The following TBC1D14 variants were observed in gnomAD, a reference collection of about 807,000 sequenced individuals.
The protein encoded by TBC1D14 is TBC1 domain family member 14, also known as TBC1 domain family, member 14.
A neutral mutation model predicts 79.0 loss-of-function variants in TBC1D14; 26 were observed. The ratio of observed to expected loss-of-function variants is 0.33; its 90% confidence interval spans 0.24 to 0.46. The LOEUF (loss-of-function observed/expected upper bound fraction) is 0.46. TBC1D14 is among the 20% of genes least tolerant of loss of function. The pLI is 1.00. For missense variants in TBC1D14, 769 were observed against 887.6 expected (o/e 0.87, Z 1.70); for synonymous variants, 394 against 349.9 (o/e 1.13, Z -1.40).
At chr4:7,027,531 C>T (rs763478967) in intron 13 of TBC1D14, among the ~76,000 whole-genome samples, 1 of 147,096 alleles carries the variant, frequency 6.8e-6, no homozygotes, top group Non-Finnish European at 1.5e-5. Flanking sequence ...CCCACACACA[C>T]ATCACATACA....
intron 2 of TBC1D14, among the ~76,000 whole-genome samples, chr4:6,951,298 A>G (rs1264688126): frequency 6.6e-6 from 1 of 152,072 alleles, no homozygotes; most frequent in Non-Finnish European, 1.5e-5. Context: ...TCTCAAAAAA[A>G]ATAAACAACA....
At chr4:7,019,912 G>A (rs556583530) in intron 12 of TBC1D14, among the ~76,000 whole-genome samples, 1 of 107,088 alleles carries the variant, frequency 9.3e-6, no homozygotes, top group Admixed American at 9.5e-5. Flanking sequence ...TGTGAACCCC[G>A]CTGGGCTCAG....
chr4:6,930,313 A>G (rs1162209545), intron 2 of TBC1D14, among the ~76,000 whole-genome samples: 1 of 152,170 alleles, frequency 6.6e-6, no homozygotes, highest in Non-Finnish European at 1.5e-5. Context: ...TGTGGGAGTG[A>G]GGCTGGAGTC....
intron 3 of TBC1D14, among the ~76,000 whole-genome samples, chr4:6,976,570 A>T (rs1280826537): frequency 6.6e-6 from 1 of 152,222 alleles, no homozygotes; most frequent in Non-Finnish European, 1.5e-5. Context: ...TCCAGCAAAA[A>T]TGCCCTTCAG....
intron 3 of TBC1D14, among the ~76,000 whole-genome samples, chr4:6,981,582 A>T (rs1191043333): frequency 6.6e-6 from 1 of 152,226 alleles, no homozygotes; most frequent in Non-Finnish European, 1.5e-5. Flanking sequence ...TACCAAAAAA[A>T]CTACAGGCAA....
chr4:6,989,313 A>C (rs1488379559), intron 3 of TBC1D14, among the ~76,000 whole-genome samples: 2 of 152,098 alleles, frequency 1.3e-5, no homozygotes, highest in African/African-American at 4.8e-5. Flanking sequence ...CCTCTGGGTA[A>C]CGTGTTGAGA....
chr4:6,963,719 T>G (rs534133790), intron 2 of TBC1D14, among the ~76,000 whole-genome samples: 3 of 152,324 alleles, frequency 2.0e-5, no homozygotes, highest in African/African-American at 7.2e-5. Flanking sequence ...AAAAAATATA[T>G]CAACATGCTT....
At position 7,025,157 on chromosome 4, in the gene TBC1D14, C is replaced by T; in HGVS notation, c.1911C>T (p.His637=). The stretch of plus-strand genomic sequence containing the variant: ...TCCTGACCAAGATGGACTTCATTCA[C>T]ATGGCCCAGTTCCTGACCCGGCTGC... ...EDILTKMDFI[H]MAQFLTRLPE... The change falls in exon 13 of 14, where the codon CAC becomes CAT. Residue 637 remains histidine, a synonymous_variant. Coordinates refer to ENST00000409757, the MANE Select transcript of TBC1D14 (RefSeq NM_020773.3). 6.2e-7 allele frequency: 1 copy of T among 1,614,236 alleles called. No homozygotes were observed. The highest frequency in any genetic ancestry group is 8.5e-7 in the Non-Finnish European group (1 of 1,180,034).
intron 11 of TBC1D14, among the ~76,000 whole-genome samples, chr4:7,011,366 C>A (rs1169564033): frequency 6.6e-6 from 1 of 151,954 alleles, no homozygotes; most frequent in Non-Finnish European, 1.5e-5. Flanking sequence ...TACATGCCTC[C>A]CAGATAAGCC....
chr4:6,951,166 C>T (rs1002413170), intron 2 of TBC1D14, among the ~76,000 whole-genome samples: 1 of 152,102 alleles, frequency 6.6e-6, no homozygotes, highest in Non-Finnish European at 1.5e-5. Flanking sequence ...GTGGCAGGCA[C>T]CTATAATCCC....
rs376156748 is a variant in TBC1D14 at position 7,012,058 on chromosome 4, T to C, written c.1647+1277T>C. Among the ~76,000 whole-genome samples the C allele has an allele frequency of 5.3e-5, 8 of 151,728 alleles. No homozygotes were observed. In the South Asian group the frequency reaches 1.3e-3, roughly 24 times the overall value. Reference sequence around the variant, plus strand: ...GCTTACGCCTGTAATCCCAGCACTTTGGGAGGCCGAGGAGGGCGGATCACG... The same window carrying C: ...GCTTACGCCTGTAATCCCAGCACTTCGGGAGGCCGAGGAGGGCGGATCACG... On this transcript the variant is annotated intron_variant, in intron 11 of 13. Transcript: ENST00000409757.
Position 6,939,020 on chromosome 4 carries a change from T to C in TBC1D14, c.722+14909T>C, listed in dbSNP as rs370478795. 5.9e-5 allele frequency among the ~76,000 whole-genome samples: 9 copies of C among 152,218 alleles called. No individual in the cohort carries two copies. The East Asian group carries it at 1.4e-3, about 23-fold the overall frequency. ...GCATGGGAAAGCACCGTGGACACCA[T>C]GGGGAAGAGATGCTAGTGAAACCCT... On this transcript the variant is annotated intron_variant, in intron 2 of 13. Coordinates refer to ENST00000409757, the MANE Select transcript of TBC1D14 (RefSeq NM_020773.3).
At chr4:6,920,929 C>A (rs1723802202) in intron 1 of TBC1D14, among the ~76,000 whole-genome samples, 1 of 152,178 alleles carries the variant, frequency 6.6e-6, no homozygotes, top group South Asian at 2.1e-4. Context: ...CAGGCATCTG[C>A]CACCACGTGC....
intron 2 of TBC1D14, among the ~76,000 whole-genome samples, chr4:6,929,598 G>A (rs1032581690): frequency 1.3e-5 from 2 of 152,184 alleles, no homozygotes; most frequent in Non-Finnish European, 2.9e-5. Context: ...CGTAGCATGA[G>A]GCGCTCAGGA....
At chr4:6,922,809 G>A (rs959318776) in intron 1 of TBC1D14, among the ~76,000 whole-genome samples, 18 of 152,288 alleles carry the variant, frequency 1.2e-4, no homozygotes, top group African/African-American at 3.9e-4. Flanking sequence ...GGATGGAGAT[G>A]TGACTGGTAG....
chr4:6,936,233 A>G lies in TBC1D14; in HGVS notation c.722+12122A>G, dbSNP rs117854994. Among the ~76,000 whole-genome samples, 144 of 152,308 alleles carry G rather than the reference A, an allele frequency of 9.5e-4. No individual in the cohort carries two copies. In the East Asian group the frequency reaches 0.026, roughly 28 times the overall value. On this transcript the variant is annotated intron_variant, in intron 2 of 13. Coordinates refer to ENST00000409757, the MANE Select transcript of TBC1D14 (RefSeq NM_020773.3). ...GCACTCTGTGGGTTTGGACAGGTGT[A>G]TAATGACATGTATCTGCCGTGGCCG...
intron 12 of TBC1D14, among the ~76,000 whole-genome samples, chr4:7,019,566 C>T (rs1721607489): frequency 6.6e-6 from 1 of 152,054 alleles, no homozygotes; most frequent in Admixed American, 6.5e-5. Flanking sequence ...GGAGGGGCAG[C>T]AGCCTGTGCA....
intron 3 of TBC1D14, among the ~76,000 whole-genome samples, chr4:6,972,782 G>A (rs914731691): frequency 1.3e-5 from 2 of 152,126 alleles, no homozygotes; most frequent in Non-Finnish European, 2.9e-5. Flanking sequence ...AGCTGGACTC[G>A]AAGCTTCAGC....
At chr4:6,966,118 A>G (rs1316618922) in intron 2 of TBC1D14, among the ~76,000 whole-genome samples, 1 of 152,190 alleles carries the variant, frequency 6.6e-6, no homozygotes, top group East Asian at 1.9e-4. Flanking sequence ...TCAGTGAGTT[A>G]TAATCCATTG....
Sources: gnomAD v4.1 joint callset for allele counts (sites outside exome capture counted in the v4.1 genomes callset) on GRCh38, gnomAD v4.1.1 for gene constraint, MANE v1.5 for transcripts, NCBI Gene and HGNC (gene_info 2026-07-23, HGNC 2026-07-21) for gene names.